EFNA5: variants seen among roughly 807,000 people sequenced by gnomAD.
EFNA5 encodes the protein ephrin A5.
In EFNA5, 5 loss-of-function variants were observed where a neutral mutation model predicts 22.9. That is an observed-to-expected ratio of 0.22 (90% CI 0.11 to 0.46). The LOEUF is 0.46. EFNA5 is among the 20% of genes least tolerant of loss of function. The probability of loss-of-function intolerance (pLI) is 0.99; values close to 1 mark genes in which losing one functional copy is unlikely to be tolerated. For synonymous variants in EFNA5, 113 were observed against 112.2 expected (o/e 1.01, Z -0.04); for missense variants, 237 against 293.3 (o/e 0.81, Z 1.40).
chr5:107,395,095 G>A (rs376993779), intron 2 of EFNA5, among the ~76,000 whole-genome samples: 3 of 140,358 alleles, frequency 2.1e-5, no homozygotes, highest in Admixed American at 7.8e-5. Flanking sequence ...CTGGAGTGCA[G>A]TGGTGTAATC....
intron 1 of EFNA5, among the ~76,000 whole-genome samples, chr5:107,658,730 T>C (rs1171989454): frequency 6.6e-6 from 1 of 152,134 alleles, no homozygotes; most frequent in Non-Finnish European, 1.5e-5. Context: ...AGCATCAATG[T>C]CATCTGGGAG....
chr5:107,470,487 T>A (rs1030938630), intron 1 of EFNA5, among the ~76,000 whole-genome samples: 1 of 152,198 alleles, frequency 6.6e-6, no homozygotes, highest in Non-Finnish European at 1.5e-5. Context: ...GTGAAACCAT[T>A]AATGTCTGTG....
At chr5:107,589,835 T>C (rs866424115) in intron 1 of EFNA5, among the ~76,000 whole-genome samples, 9 of 152,328 alleles carry the variant, frequency 5.9e-5, no homozygotes, top group African/African-American at 2.2e-4. Context: ...TCCACTGAGT[T>C]TTACCCGTGT....
intron 1 of EFNA5, among the ~76,000 whole-genome samples, chr5:107,527,567 G>A (rs1747721807): frequency 6.6e-6 from 1 of 151,900 alleles, no homozygotes; most frequent in South Asian, 2.1e-4. Flanking sequence ...TTACAGGCAT[G>A]AGCCACTGCA....
intron 1 of EFNA5, among the ~76,000 whole-genome samples, chr5:107,530,094 T>A (rs1747778031): frequency 6.6e-6 from 1 of 152,168 alleles, no homozygotes; most frequent in Non-Finnish European, 1.5e-5. Context: ...ATAGGCTAGA[T>A]TATGAAGCAG....
At chr5:107,526,762 A>G (rs1478428270) in intron 1 of EFNA5, among the ~76,000 whole-genome samples, 3 of 152,238 alleles carry the variant, frequency 2.0e-5, no homozygotes, top group Non-Finnish European at 4.4e-5. Context: ...TAATAAGGTC[A>G]TGTAGTAAAA....
intron 1 of EFNA5, among the ~76,000 whole-genome samples, chr5:107,647,959 A>T (rs979859140): frequency 2.0e-5 from 3 of 152,206 alleles, no homozygotes; most frequent in Non-Finnish European, 4.4e-5. Flanking sequence ...CAAGAAGGGC[A>T]TTAAACAGGT....
At chr5:107,499,981 T>C (rs1747093026) in intron 1 of EFNA5, among the ~76,000 whole-genome samples, 2 of 152,272 alleles carry the variant, frequency 1.3e-5, no homozygotes, top group Admixed American at 6.5e-5. Context: ...ACTGTGTGTG[T>C]TTCAACCCGG....
chr5:107,512,214 C>A (rs774116155), intron 1 of EFNA5, among the ~76,000 whole-genome samples: 1 of 152,196 alleles, frequency 6.6e-6, no homozygotes, highest in Non-Finnish European at 1.5e-5. Context: ...CTCACTCCAT[C>A]TCTGTTGTAG....
At chr5:107,560,896 T>C (rs545993374) in intron 1 of EFNA5, among the ~76,000 whole-genome samples, 1 of 152,350 alleles carries the variant, frequency 6.6e-6, no homozygotes, top group African/African-American at 2.4e-5. Flanking sequence ...GATCCAGAAC[T>C]AAGCCCTATA....
At position 107,381,266 on chromosome 5, in the gene EFNA5, A is replaced by G. The variant is rs773556431; in HGVS notation, c.676T>C (p.Leu226=). 10 of 1,613,750 alleles carry G rather than the reference A, an allele frequency of 6.2e-6. No homozygotes were observed. The Admixed American group carries it at 8.3e-5, about 13-fold the overall frequency. ...AILLFLLAML[L]TL ...GGGAGGAGACTGTGCTATAATGTCA[A>G]AAGCATCGCCAGGAGGAACAGTAGG... Residue 226 remains leucine (L), a synonymous_variant, in exon 5 of 5, where the codon TTG becomes CTG. Coordinates refer to ENST00000333274, the MANE Select transcript of EFNA5 (RefSeq NM_001962.3).
intron 1 of EFNA5, among the ~76,000 whole-genome samples, chr5:107,621,290 C>T (rs1750032455): frequency 6.6e-6 from 1 of 152,138 alleles, no homozygotes; most frequent in Non-Finnish European, 1.5e-5. Context: ...GGGAAGCCGG[C>T]TTCTGCTTCC....
At chr5:107,469,342 C>G (rs1381614280) in intron 1 of EFNA5, among the ~76,000 whole-genome samples, 1 of 152,160 alleles carries the variant, frequency 6.6e-6, no homozygotes, top group Non-Finnish European at 1.5e-5. Flanking sequence ...AAACAATATT[C>G]CCCTTAATAG....
At chr5:107,418,383 CT>C (rs1316311551) in intron 2 of EFNA5, among the ~76,000 whole-genome samples, 1 of 152,190 alleles carries the variant, frequency 6.6e-6, no homozygotes, top group Non-Finnish European at 1.5e-5. Context: ...AGAATTACTG[CT>C]TCCCTGTGAA....
chr5:107,603,678 A>T (rs534990575), intron 1 of EFNA5, among the ~76,000 whole-genome samples: 1 of 152,326 alleles, frequency 6.6e-6, no homozygotes, highest in South Asian at 2.1e-4. Context: ...ACGTTTACTG[A>T]GAGCAAAGAA....
chr5:107,580,427 C>T (rs1444838477), intron 1 of EFNA5, among the ~76,000 whole-genome samples: 1 of 151,984 alleles, frequency 6.6e-6, no homozygotes, highest in African/African-American at 2.4e-5. Context: ...CTGCACAGCA[C>T]AATACTTACA....
intron 1 of EFNA5, among the ~76,000 whole-genome samples, chr5:107,553,228 G>A (rs1179449725): frequency 1.3e-5 from 2 of 152,136 alleles, no homozygotes; most frequent in Admixed American, 6.5e-5. Context: ...GGCAGGCAGC[G>A]GCCATGACTA....
At chr5:107,606,580 C>CAG (rs1491519840) in intron 1 of EFNA5, among the ~76,000 whole-genome samples, 7 of 137,614 alleles carry the variant, frequency 5.1e-5, no homozygotes, top group African/African-American at 1.9e-4. Context: ...CACACACACA[C>CAG]ACAGAGCTAG....
intron 1 of EFNA5, among the ~76,000 whole-genome samples, chr5:107,449,217 C>T (rs1749483473): frequency 6.6e-6 from 1 of 152,064 alleles, no homozygotes; most frequent in African/African-American, 2.4e-5. Context: ...CCTGGATTTC[C>T]ATTCATCACA....
Sources: allele counts gnomAD v4.1 joint callset (sites outside exome capture counted in the v4.1 genomes callset), GRCh38; gene constraint gnomAD v4.1.1; transcripts MANE v1.5; gene names NCBI Gene and HGNC (gene_info 2026-07-23, HGNC 2026-07-21).